Variants in MYT1 observed in about 807,000 individuals in gnomAD.
MYT1 encodes the protein myelin transcription factor 1.
MYT1 carries 23 observed loss-of-function variants against 123.0 expected under a neutral mutation model. The observed-to-expected ratio is 0.19, with a 90% CI of 0.13 to 0.26. MYT1 has a LOEUF of 0.26. MYT1 is among the 10% of genes least tolerant of loss of function. The pLI is 1.00. For missense variants in MYT1, 1,125 were observed against 1,472.5 expected, an observed-to-expected ratio of 0.76 and a Z score of 3.86; for synonymous variants, 518 against 575.3, an observed-to-expected ratio of 0.90 and a Z score of 1.43.
intron 1 of MYT1, among the ~76,000 whole-genome samples, chr20:64,169,011 C>T (rs578183785): frequency 9.2e-5 from 14 of 152,214 alleles, no homozygotes; most frequent in African/African-American, 3.4e-4. Flanking sequence ...TCTGGGTCCT[C>T]TTCTTTTTTT....
chr20:64,169,439 C>T (rs180926114), intron 1 of MYT1, among the ~76,000 whole-genome samples: 1 of 152,348 alleles, frequency 6.6e-6, no homozygotes, highest in Non-Finnish European at 1.5e-5. Flanking sequence ...AGCAGTCCTG[C>T]TCTGTGGGCA....
At chr20:64,209,253 T>C (rs893737844) in intron 7 of MYT1, among the ~76,000 whole-genome samples, 2 of 152,152 alleles carry the variant, frequency 1.3e-5, no homozygotes, top group Admixed American at 6.5e-5. Flanking sequence ...GACAACAGGC[T>C]GGCTCTGCTC....
chr20:64,187,509 G>T (rs572543548), intron 1 of MYT1, among the ~76,000 whole-genome samples: 3 of 152,162 alleles, frequency 2.0e-5, no homozygotes, highest in Admixed American at 6.5e-5. Flanking sequence ...CCACGTTTCC[G>T]TGGAGAGTTT....
chr20:64,198,282 G>A (rs1398812321), intron 2 of MYT1, among the ~76,000 whole-genome samples: 1 of 90,618 alleles, frequency 1.1e-5, no homozygotes, highest in African/African-American at 5.6e-5. Context: ...GCGAGACTCC[G>A]TCTCAAAAAA....
rs555145333 is a variant in MYT1, at chr20:64,208,276, G to A, written c.1080G>A (p.Lys360=). 8 of 1,614,194 alleles carry A rather than the reference G, an allele frequency of 5.0e-6. No homozygotes were observed. The highest frequency in any genetic ancestry group is 6.8e-6 in the Non-Finnish European group (8 of 1,180,028). Reference sequence around the variant, plus strand: ...AGGACGAGGACACCCACTCCCGGAAGTCAACAGTCACTGACGAGTCGGAGA... The same window carrying A: ...AGGACGAGGACACCCACTCCCGGAAATCAACAGTCACTGACGAGTCGGAGA... ...DDKDEDTHSR[K]STVTDESEMQ... is the part of the protein sequence containing the mutation. The change falls in exon 7 of 23, where the codon AAG becomes AAA. Residue 360 remains lysine, a synonymous_variant. Transcript: ENST00000328439. The surrounding 1 kb of genome is among the most constrained non-coding windows in gnomAD (Gnocchi z 5.4).
rs1982141735 is a variant in MYT1 at position 64,168,174 on chromosome 20, G to A, written c.-99+3435G>A. ...AAACTCAAAACAAAAATGAGCAAGA[G>A]GAATTTCACCGGAATTAAAATGTTT... On this transcript the variant is annotated intron_variant, in intron 1 of 22. Coordinates refer to ENST00000328439, the MANE Select transcript of MYT1 (RefSeq NM_004535.3). This position sits in a 1 kb window ranked among gnomAD's most constrained non-coding sequence, Gnocchi z 6.1. 6.6e-6 allele frequency among the ~76,000 whole-genome samples: 1 copy of A among 152,222 alleles called. No homozygotes were observed. Among genetic ancestry groups the A allele is most frequent in the Non-Finnish European group, 1.5e-5 (1 of 68,038 alleles).
chr20:64,165,613 T>G (rs918080773), intron 1 of MYT1, among the ~76,000 whole-genome samples: 2 of 152,178 alleles, frequency 1.3e-5, no homozygotes, highest in Admixed American at 1.3e-4. Flanking sequence ...ACCAAGGGCT[T>G]TGCTTGTCTC....
chr20:64,204,803 G>A lies in MYT1; in HGVS notation c.87-232G>A, dbSNP rs561496837. On this transcript the variant is annotated intron_variant, in intron 4 of 22. Coordinates refer to ENST00000328439, the MANE Select transcript of MYT1 (RefSeq NM_004535.3). ...GGGGAGCGGTCTGGGAGACTCTGGCGCTAGAAGTCTTGCTCTTATGTATAC... is the reference window on the plus strand; with the variant it reads ...GGGGAGCGGTCTGGGAGACTCTGGCACTAGAAGTCTTGCTCTTATGTATAC... Among the ~76,000 whole-genome samples the A allele has an allele frequency of 1.4e-4, 21 of 152,342 alleles. No individual in the cohort carries two copies. The East Asian group carries it at 1.5e-3, about 11-fold the overall frequency.
At chr20:64,237,245 C>A in intron 20 of MYT1, 42 bp from the exon 21 acceptor site, 1 of 1,559,262 alleles carries the variant, frequency 6.4e-7, no homozygotes, top group Non-Finnish European at 8.8e-7. Context: ...CCCAGGCCTG[C>A]CTGAGGCCCA....
chr20:64,206,257 T>C (rs796816824), intron 6 of MYT1, among the ~76,000 whole-genome samples: 2 of 152,064 alleles, frequency 1.3e-5, no homozygotes, highest in South Asian at 4.1e-4. Context: ...CACAGGCAGA[T>C]GCTGAGGAAA....
intron 22 of MYT1, 136 bp from the exon 23 acceptor site, chr20:64,240,184 C>T (rs919188734): frequency 2.4e-5 from 30 of 1,262,778 alleles, no homozygotes; most frequent in East Asian, 1.4e-4. Context: ...CAGAGAGGAA[C>T]GCCCAGTGCT....
At position 64,222,155 on chromosome 20, in the gene MYT1, G is replaced by A. The variant is rs1006880993; in HGVS notation, c.2396+108G>A. Reference sequence around the variant, plus strand: ...GACCGGGTCTGCTCAGGCTTTCCCCGACCTGTCCTGACCACCTCGAGCCAG... The same window carrying A: ...GACCGGGTCTGCTCAGGCTTTCCCCAACCTGTCCTGACCACCTCGAGCCAG... On this transcript the variant is annotated intron_variant, in intron 14 of 22. Transcript: ENST00000328439. 47 of 1,209,778 alleles carry A rather than the reference G, an allele frequency of 3.9e-5. 1 individual carries two copies. The African/African-American group carries it at 4.4e-4, about 11-fold the overall frequency. The allele number at this position is 1,209,778 out of a possible 1,614,324, so 74.9% of individuals were successfully genotyped here.
In MYT1 at chr20:64,195,392, G is replaced by A. The variant is rs868478514; in HGVS notation, c.1-3470G>A. On this transcript the variant is annotated intron_variant, in intron 2 of 22. Coordinates refer to ENST00000328439, the MANE Select transcript of MYT1 (RefSeq NM_004535.3). ...TGTGTGTGTGTGTGTGTGTGTGTGT[G>A]TGTGTATACTTTTTTTTTTTTGAGA... Among the ~76,000 whole-genome samples, 5 of 44,758 alleles carry A rather than the reference G, an allele frequency of 1.1e-4. 1 individual carries two copies. The highest frequency in any genetic ancestry group is 3.5e-4 in the East Asian group (1 of 2,832). The allele number at this position is 44,758 out of a possible 152,430, so 29.4% of individuals were successfully genotyped here. A position where few individuals can be genotyped will look rare whatever the true frequency, so the allele number is the denominator to read the frequency against.
At chr20:64,195,586 G>A (rs901889871) in intron 2 of MYT1, among the ~76,000 whole-genome samples, 3 of 151,544 alleles carry the variant, frequency 2.0e-5, no homozygotes, top group Non-Finnish European at 2.9e-5. Flanking sequence ...AGTAGAGATG[G>A]GGTTTCACCC....
At chr20:64,183,314 G>A (rs1982705350) in intron 1 of MYT1, among the ~76,000 whole-genome samples, 1 of 152,190 alleles carries the variant, frequency 6.6e-6, no homozygotes, top group Admixed American at 6.5e-5. Flanking sequence ...TTTTTGGCTA[G>A]TATGAATAAA....
chr20:64,177,179 T>C (rs188324654), intron 1 of MYT1, among the ~76,000 whole-genome samples: 7 of 152,268 alleles, frequency 4.6e-5, no homozygotes, highest in Non-Finnish European at 7.4e-5. Context: ...TGGCTTGCAT[T>C]TGGCTTTTAT....
chr20:64,219,645 C>T, intron 12 of MYT1, 68 bp from the exon 13 acceptor site: 1 of 1,388,626 alleles, frequency 7.2e-7, no homozygotes, highest in Non-Finnish European at 1.0e-6. Context: ...ACGTTTGATT[C>T]AAATGGACCA....
intron 4 of MYT1, among the ~76,000 whole-genome samples, chr20:64,204,051 G>T (rs1388870068): frequency 6.6e-6 from 1 of 152,226 alleles, no homozygotes; most frequent in Non-Finnish European, 1.5e-5. Flanking sequence ...ACAGGCGTCT[G>T]GGTCTTACAA....
intron 1 of MYT1, among the ~76,000 whole-genome samples, chr20:64,180,083 A>G (rs573202054): frequency 6.6e-6 from 1 of 151,138 alleles, no homozygotes; most frequent in South Asian, 2.1e-4. Context: ...TTACACACAC[A>G]TGCTACACAC....
Sources: gnomAD v4.1 joint callset for allele counts (sites outside exome capture counted in the v4.1 genomes callset) on GRCh38, gnomAD v4.1.1 for gene constraint, Gnocchi (gnomAD v3.1) non-coding constraint, MANE v1.5 for transcripts, NCBI Gene and HGNC (gene_info 2026-07-23, HGNC 2026-07-21) for gene names.